Variants in SNAP47 observed in about 807,000 individuals in gnomAD.
The protein encoded by SNAP47 is synaptosomal-associated protein 47.
Under a neutral mutation model 31.4 loss-of-function variants are expected in SNAP47, and 20 were observed. The observed-to-expected ratio is 0.64, with a 90% CI of 0.45 to 0.93. The LOEUF is 0.93. Ranked by LOEUF, SNAP47 falls within the 40% of genes least tolerant of loss-of-function variation. The pLI, the probability that SNAP47 is intolerant of heterozygous loss-of-function variation, is 0.00. For synonymous variants in SNAP47, 194 were observed against 213.4 expected, an observed-to-expected ratio of 0.91 and a Z score of 0.79; for missense variants, 492 against 528.5, an observed-to-expected ratio of 0.93 and a Z score of 0.68.
At chr1:227,749,635 A>G (rs1558196888) in intron 2 of SNAP47, among the ~76,000 whole-genome samples, 1 of 152,050 alleles carries the variant, frequency 6.6e-6, no homozygotes, top group Non-Finnish European at 1.5e-5. Flanking sequence ...TCAGGCTGCC[A>G]CTATATTTGT....
At position 227,776,775 on chromosome 1, in the gene SNAP47, G is replaced by A. The variant is rs751649274; in HGVS notation, c.1114-3752G>A. ...TGCAGACCTAGCAGCTGTACAGATC[G>A]CTCTTGTGTTTTTGCACTATTAATT... On this transcript the variant is annotated intron_variant, in intron 4 of 4. Coordinates refer to ENST00000617596, the MANE Select transcript of SNAP47 (RefSeq NM_053052.4). The A allele has an allele frequency of 4.1e-6, 4 of 985,320 alleles. No homozygotes were observed. The East Asian group carries it at 4.5e-4, about 112-fold the overall frequency. 61.0% of individuals were successfully genotyped at this position (985,320 alleles called of 1,614,324 possible).
chr1:227,728,283 G>A (rs1015964461), upstream of SNAP47, among the ~76,000 whole-genome samples: 2 of 152,202 alleles, frequency 1.3e-5, no homozygotes, highest in Non-Finnish European at 2.9e-5. Context: ...CGGAACACAA[G>A]GGTAGGGAAG....
At chr1:227,748,889 G>C (rs1038212316) in intron 2 of SNAP47, among the ~76,000 whole-genome samples, 1 of 152,182 alleles carries the variant, frequency 6.6e-6, no homozygotes, top group African/African-American at 2.4e-5. Context: ...TCTTCAGTTT[G>C]TTTAAGAATG....
At chr1:227,764,936 G>GTA (rs1044256115) in intron 3 of SNAP47, among the ~76,000 whole-genome samples, 2 of 152,126 alleles carry the variant, frequency 1.3e-5, no homozygotes, top group African/African-American at 4.8e-5. Flanking sequence ...TTAGCAGGTC[G>GTA]TAGTGCTGCA....
rs746649623 is a variant in SNAP47, at chr1:227,735,483, C to A, written c.-62C>A. ...AGGCGCCGCGGTCGGCTCTGGGACT[C>A]GTCTGGCGTCCCTCAGGTGAGCGAC... is the stretch of plus-strand genomic sequence containing the variant. On this transcript the variant is annotated 5_prime_UTR_variant, in exon 1 of 5. Coordinates refer to ENST00000617596, the MANE Select transcript of SNAP47 (RefSeq NM_053052.4). 1 of 1,419,722 alleles carries A rather than the reference C, an allele frequency of 7.0e-7. No individual in the cohort carries two copies. The highest frequency in any genetic ancestry group is 1.5e-5 in the African/African-American group (1 of 66,878). The allele number at this position is 1,419,722 out of a possible 1,614,324, so 87.9% of individuals were successfully genotyped here.
upstream of SNAP47, chr1:227,733,877 C>G (rs577778890): frequency 1.1e-5 from 18 of 1,611,450 alleles, no homozygotes; most frequent in Non-Finnish European, 1.4e-5. Context: ...CAGGCCCCTT[C>G]GGGTTCCACT....
chr1:227,774,052 G>A (rs1664005954), intron 4 of SNAP47, among the ~76,000 whole-genome samples: 1 of 152,216 alleles, frequency 6.6e-6, no homozygotes, highest in Admixed American at 6.5e-5. Flanking sequence ...GACACCTGCT[G>A]TGGATCCATC....
upstream of SNAP47, chr1:227,734,352 TAAAAAAAAA>T (rs56684758): frequency 3.9e-5 from 3 of 77,612 alleles, no homozygotes; most frequent in Middle Eastern, 8.3e-3. Flanking sequence ...CTAGTCTCTT[TAAAAAAAAA>T]AAAAAAAAAA....
intron 1 of SNAP47, among the ~76,000 whole-genome samples, chr1:227,736,918 T>G (rs1290181366): frequency 3.3e-5 from 5 of 152,150 alleles, no homozygotes. Flanking sequence ...TCCCTAGGTA[T>G]GTCTCTTGGA....
intron 4 of SNAP47, among the ~76,000 whole-genome samples, chr1:227,775,247 C>T (rs1664086044): frequency 6.6e-6 from 1 of 152,220 alleles, no homozygotes. Context: ...CAATTTTCCC[C>T]CTTTACATTC....
chr1:227,755,996 G>T (rs1423816487), intron 2 of SNAP47, among the ~76,000 whole-genome samples: 1 of 152,198 alleles, frequency 6.6e-6, no homozygotes, highest in Non-Finnish European at 1.5e-5. Context: ...GCTTTGCGTT[G>T]TCCTGTCTTT....
intron 4 of SNAP47, among the ~76,000 whole-genome samples, chr1:227,771,627 GCCTGCTCACCCGCC>G (rs1300320951): frequency 5.0e-4 from 76 of 152,058 alleles, no homozygotes; most frequent in Non-Finnish European, 9.0e-4. Flanking sequence ...GACAGTGAAC[GCCTGCTCACCCGCC>G]TCTGTGCACC....
chr1:227,766,890 C>A, intron 3 of SNAP47, 69 bp from the exon 4 acceptor site: 1 of 1,586,786 alleles, frequency 6.3e-7, no homozygotes. Flanking sequence ...CACGCTCTGC[C>A]ATCCAGAGCA....
chr1:227,761,160 T>A (rs898627940), intron 3 of SNAP47, among the ~76,000 whole-genome samples: 2 of 152,230 alleles, frequency 1.3e-5, no homozygotes, highest in Non-Finnish European at 2.9e-5. Flanking sequence ...CTGTTAAAAG[T>A]AAGAGATATT....
At chr1:227,747,458 A>C (rs989368842) in intron 1 of SNAP47, among the ~76,000 whole-genome samples, 3 of 152,134 alleles carry the variant, frequency 2.0e-5, no homozygotes, top group African/African-American at 7.2e-5. Flanking sequence ...GATGGGCATA[A>C]GTCTGGGACT....
intron 2 of SNAP47, among the ~76,000 whole-genome samples, chr1:227,751,744 GTTTTTTTTTTTTTTTTT>G (rs540732076): frequency 1.0e-3 from 71 of 69,192 alleles, no homozygotes; most frequent in African/African-American, 2.9e-3. Flanking sequence ...TAAAGACTTG[GTTTTTTTTTTTTTTTTT>G]TTTTTTTTTT....
chr1:227,737,520 C>T (rs929415607), intron 1 of SNAP47, among the ~76,000 whole-genome samples: 5 of 152,152 alleles, frequency 3.3e-5, no homozygotes, highest in Admixed American at 2.6e-4. Context: ...ACAGAGGCAT[C>T]CTAAGCGGGA....
chr1:227,745,038 G>T (rs75702810), intron 1 of SNAP47, among the ~76,000 whole-genome samples: 1 of 152,230 alleles, frequency 6.6e-6, no homozygotes, highest in Non-Finnish European at 1.5e-5. Flanking sequence ...CTGTGTGGCT[G>T]TGCTCTTCTC....
At chr1:227,749,392 C>T (rs980733535) in intron 2 of SNAP47, among the ~76,000 whole-genome samples, 1 of 152,098 alleles carries the variant, frequency 6.6e-6, no homozygotes, top group African/African-American at 2.4e-5. Context: ...TTCTGGGATC[C>T]GGGGGTGCCC....
Sources: gnomAD v4.1 joint callset for allele counts (sites outside exome capture counted in the v4.1 genomes callset) on GRCh38, gnomAD v4.1.1 for gene constraint, MANE v1.5 for transcripts, NCBI Gene and HGNC (gene_info 2026-07-23, HGNC 2026-07-21) for gene names.